Variants in MTHFD1 observed in about 807,000 individuals in gnomAD.
MTHFD1 encodes C-1-tetrahydrofolate synthase, cytoplasmic.
In MTHFD1, 44 loss-of-function variants were observed where a neutral mutation model predicts 110.3. The observed-to-expected ratio is 0.40, with a 90% CI of 0.31 to 0.51. The LOEUF (loss-of-function observed/expected upper bound fraction) is 0.51. Among genes scored for constraint, MTHFD1 ranks in the 20% least tolerant of loss-of-function variants. The pLI, the probability that MTHFD1 is intolerant of heterozygous loss-of-function variation, is 0.60. For synonymous variants in MTHFD1, 402 were observed against 428.8 expected, an observed-to-expected ratio of 0.94 and a Z score of 0.77; for missense variants, 909 against 1,173.1, an observed-to-expected ratio of 0.77 and a Z score of 3.29.
intron 1 of MTHFD1, among the ~76,000 whole-genome samples, chr14:64,396,625 C>T (rs1242824510): frequency 1.3e-5 from 2 of 150,046 alleles, no homozygotes; most frequent in Admixed American, 6.6e-5. Flanking sequence ...TGTCAAACCC[C>T]CCAGCTCAGG....
intron 8 of MTHFD1, among the ~76,000 whole-genome samples, chr14:64,420,986 C>G (rs1310984153): frequency 3.3e-5 from 5 of 152,174 alleles, no homozygotes; most frequent in Non-Finnish European, 7.3e-5. Flanking sequence ...AAGGAACAAT[C>G]TTTAACGGAG....
chr14:64,449,342 C>A, intron 23 of MTHFD1, 103 bp from the exon 24 acceptor site: 1 of 1,354,266 alleles, frequency 7.4e-7, no homozygotes, highest in Admixed American at 1.7e-5. Flanking sequence ...GGTTAGTGTT[C>A]GTTTATCAGT....
At chr14:64,437,209 A>G (rs532456889) in intron 16 of MTHFD1, among the ~76,000 whole-genome samples, 1 of 151,018 alleles carries the variant, frequency 6.6e-6, no homozygotes, top group Non-Finnish European at 1.5e-5. Flanking sequence ...AAACATCTTG[A>G]AAAAAAAACC....
chr14:64,406,469 T>C (rs1457771225), intron 2 of MTHFD1, among the ~76,000 whole-genome samples: 1 of 151,866 alleles, frequency 6.6e-6, no homozygotes, highest in Non-Finnish European at 1.5e-5. Context: ...GTTTCTGATT[T>C]TGGAGCATTT....
chr14:64,415,580 T>G (rs1596539352), intron 5 of MTHFD1, 59 bp from the exon 6 acceptor site: 1 of 1,612,932 alleles, frequency 6.2e-7, no homozygotes, highest in East Asian at 2.2e-5. Context: ...TAAATGTTTC[T>G]AAAGAGTAAA....
intron 26 of MTHFD1, 158 bp from the exon 27 acceptor site, chr14:64,458,056 A>G (rs2078503535): frequency 2.9e-6 from 2 of 695,968 alleles, no homozygotes; most frequent in African/African-American, 1.8e-5. Flanking sequence ...ATATCCAGCT[A>G]ATTTTTTATT....
chr14:64,414,441 G>A (rs755527548), intron 4 of MTHFD1, among the ~76,000 whole-genome samples: 3 of 151,896 alleles, frequency 2.0e-5, no homozygotes, highest in Non-Finnish European at 4.4e-5. Flanking sequence ...ACAGGCATGC[G>A]CCACTATGCC....
chr14:64,434,825 T>TG (rs893034801), intron 15 of MTHFD1, among the ~76,000 whole-genome samples: 1 of 151,408 alleles, frequency 6.6e-6, no homozygotes, highest in Non-Finnish European at 1.5e-5. Flanking sequence ...AATTCTGTTT[T>TG]TTTTTTTTTT....
At chr14:64,441,176 A>G (rs2078244042) in intron 18 of MTHFD1, 2 of 542,872 alleles carry the variant, frequency 3.7e-6, no homozygotes, top group Non-Finnish European at 6.8e-6. Flanking sequence ...TGGGCAACAC[A>G]GCCAGACTCC....
chr14:64,397,138 AATATATATATATATATAT>A (rs1182197415), intron 1 of MTHFD1, among the ~76,000 whole-genome samples: 150 of 11,936 alleles, frequency 0.013, 3 homozygotes, highest in South Asian at 0.02. Flanking sequence ...AAAAAAAAAA[AATATATATATATATATAT>A]ATATATATAT....
chr14:64,431,750 G>C (rs755875102), intron 14 of MTHFD1, 37 bp from the exon 15 acceptor site: 3 of 1,604,904 alleles, frequency 1.9e-6, no homozygotes, highest in Admixed American at 3.3e-5. Flanking sequence ...AAGCAGTGGG[G>C]CTCCTCTCAT....
In MTHFD1 at chr14:64,448,040, A is replaced by G. The variant is rs2078308779; in HGVS notation, c.2179-177A>G. On this transcript the variant is annotated intron_variant, in intron 22 of 27. Coordinates refer to ENST00000652337, the MANE Select transcript of MTHFD1 (RefSeq NM_005956.4). ...TGGAGTGAAAGCTGCAGTTCTCCATAGCATCCACTCACCGCACTGGAAAAA... is the reference window on the plus strand; with the variant it reads ...TGGAGTGAAAGCTGCAGTTCTCCATGGCATCCACTCACCGCACTGGAAAAA... The G allele has an allele frequency of 9.3e-6, 6 of 645,604 alleles. No individual in the cohort carries two copies. In the South Asian group the frequency reaches 1.0e-4, roughly 11 times the overall value. 40.0% of individuals were successfully genotyped at this position (645,604 alleles called of 1,614,324 possible).
At chr14:64,440,411 A>T in intron 18 of MTHFD1, 145 bp downstream of exon 18, 1 of 1,015,342 alleles carries the variant, frequency 9.8e-7, no homozygotes, top group Non-Finnish European at 1.5e-6. Flanking sequence ...GCTAATTACA[A>T]GATAATTATG....
At chr14:64,428,145 A>C (rs2078132393) in intron 12 of MTHFD1, among the ~76,000 whole-genome samples, 1 of 117,184 alleles carries the variant, frequency 8.5e-6, no homozygotes, top group African/African-American at 3.4e-5. Context: ...GGTCTCACTC[A>C]CTCTGTCGCC....
At chr14:64,443,133 C>A (rs1566572371) in intron 21 of MTHFD1, among the ~76,000 whole-genome samples, 1 of 152,194 alleles carries the variant, frequency 6.6e-6, no homozygotes, top group Non-Finnish European at 1.5e-5. Flanking sequence ...CCCTGGCCTA[C>A]AGGATAAAAA....
At chr14:64,435,540 T>G (rs773440032) in intron 15 of MTHFD1, 29 bp from the exon 16 acceptor site, 4 of 1,442,768 alleles carry the variant, frequency 2.8e-6, no homozygotes, top group Non-Finnish European at 3.9e-6. Context: ...TTTGTCTTAT[T>G]TTATGTTTTC....
intron 26 of MTHFD1, among the ~76,000 whole-genome samples, chr14:64,457,087 T>C (rs919725629): frequency 2.0e-5 from 3 of 152,224 alleles, no homozygotes; most frequent in Non-Finnish European, 4.4e-5. Flanking sequence ...AGTTTAGTTT[T>C]AGAAGGCCAT....
chr14:64,425,498 A>G (rs1376895669), intron 9 of MTHFD1, among the ~76,000 whole-genome samples: 1 of 152,092 alleles, frequency 6.6e-6, no homozygotes, highest in Non-Finnish European at 1.5e-5. Context: ...GGTGTGAGCC[A>G]CCGTGCCCGG....
At chr14:64,441,295 C>T (rs2078244798) in intron 18 of MTHFD1, 90 bp from the exon 19 acceptor site, 3 of 1,237,758 alleles carry the variant, frequency 2.4e-6, no homozygotes, top group East Asian at 4.6e-5. Context: ...AGATGGCTAA[C>T]ATGGGTAAGC....
Sources: gnomAD v4.1 joint callset for allele counts (sites outside exome capture counted in the v4.1 genomes callset) on GRCh38, gnomAD v4.1.1 for gene constraint, MANE v1.5 for transcripts, NCBI Gene and HGNC (gene_info 2026-07-23, HGNC 2026-07-21) for gene names.